The following DROSHA variants were observed in gnomAD, a reference collection of about 807,000 sequenced individuals.
DROSHA encodes ribonuclease 3.
DROSHA carries 56 observed loss-of-function variants against 181.9 expected under a neutral mutation model. That is an observed-to-expected ratio of 0.31 (90% CI 0.25 to 0.38). The LOEUF is 0.38. Ranked by LOEUF, DROSHA falls within the 10% of genes least tolerant of loss-of-function variation. The pLI, the probability that DROSHA is intolerant of heterozygous loss-of-function variation, is 1.00. For synonymous variants in DROSHA, 524 were observed against 591.2 expected, an observed-to-expected ratio of 0.89 and a Z score of 1.65; for missense variants, 1,218 against 1,743.5, an observed-to-expected ratio of 0.70 and a Z score of 5.37.
chr5:31,453,505 G>A (rs573436026), intron 20 of DROSHA, among the ~76,000 whole-genome samples: 3 of 152,218 alleles, frequency 2.0e-5, no homozygotes, highest in East Asian at 3.9e-4. Flanking sequence ...CGCCAGGCCC[G>A]AAAATTACTA....
Position 31,511,159 on chromosome 5 carries a change from A to T in DROSHA, c.1308T>A (p.Val436=). Residue 436 remains valine, a synonymous_variant, in exon 9 of 36, where the codon GTT becomes GTA. Coordinates refer to ENST00000344624, the MANE Select transcript of DROSHA (RefSeq NM_001382508.1). ...ATAAGTCACGAAGCCTACTCGTTCC[A>T]ACCACTGTAGAATCTCCCTTTTAAA... ...PMDQVGDSTV[V]GTSRLRDLYD... 6.2e-7 allele frequency: 1 copy of T among 1,613,860 alleles called. No homozygotes were observed. The highest frequency in any genetic ancestry group is 8.5e-7 in the Non-Finnish European group (1 of 1,179,798).
chr5:31,413,160 A>C (rs940375691), intron 30 of DROSHA, among the ~76,000 whole-genome samples: 3 of 152,162 alleles, frequency 2.0e-5, no homozygotes, highest in Non-Finnish European at 4.4e-5. Flanking sequence ...CTGACGGTGA[A>C]GGAGGAAAGC....
chr5:31,525,989 C>CTGGA lies in DROSHA; in HGVS notation c.854+86_854+89dup, dbSNP rs1167524544. 3.1e-6 allele frequency: 4 copies of CTGGA among 1,292,488 alleles called. No homozygotes were observed. The Admixed American group carries it at 7.4e-5, about 24-fold the overall frequency. The allele number at this position is 1,292,488 out of a possible 1,614,324, so 80.1% of individuals were successfully genotyped here. ...TCCTTACATAAATCAAGATGCCCTA[C>CTGGA]TGGATCCTTTTGGTTTGGTTGTCAT... On this transcript the variant is annotated intron_variant, in intron 5 of 35. Coordinates refer to ENST00000344624, the MANE Select transcript of DROSHA (RefSeq NM_001382508.1).
chr5:31,513,195 C>G (rs1332218842), intron 8 of DROSHA, among the ~76,000 whole-genome samples: 1 of 152,190 alleles, frequency 6.6e-6, no homozygotes, highest in Non-Finnish European at 1.5e-5. Context: ...AACATGCCCT[C>G]TGCATCCTGC....
At chr5:31,484,203 C>T (rs1267226355) in intron 15 of DROSHA, among the ~76,000 whole-genome samples, 2 of 151,794 alleles carry the variant, frequency 1.3e-5, no homozygotes. Flanking sequence ...AATCCCGTCT[C>T]TACTAAAAAT....
intron 20 of DROSHA, among the ~76,000 whole-genome samples, chr5:31,456,438 C>A (rs1232868976): frequency 6.8e-6 from 1 of 147,324 alleles, no homozygotes; most frequent in Middle Eastern, 3.2e-3. Flanking sequence ...CAGAGAGAAG[C>A]TATTTTTACT....
intron 20 of DROSHA, among the ~76,000 whole-genome samples, chr5:31,462,105 G>A (rs915704004): frequency 5.7e-4 from 86 of 151,970 alleles, no homozygotes; most frequent in African/African-American, 2.0e-3. Flanking sequence ...CTTCTCTTCC[G>A]CTTCTATGGA....
At position 31,401,374 on chromosome 5, in the gene DROSHA, A is replaced by G; in HGVS notation, c.*58T>C. ...CTGCAGGAAAACTAGGCTAGGTCTC[A>G]ATAGACAACAGTCACAGTTACTGAG... On this transcript the variant is annotated 3_prime_UTR_variant, in exon 36 of 36. Transcript: ENST00000344624. The G allele has an allele frequency of 3.8e-6, 6 of 1,595,086 alleles. No individual in the cohort carries two copies. Among genetic ancestry groups the G allele is most frequent in the Non-Finnish European group, 4.3e-6 (5 of 1,167,702 alleles).
In DROSHA at chr5:31,429,551, T is replaced by C; in HGVS notation, c.3146-6A>G. 6.2e-7 allele frequency: 1 copy of C among 1,609,836 alleles called. No individual in the cohort carries two copies. The highest frequency in any genetic ancestry group is 8.5e-7 in the Non-Finnish European group (1 of 1,177,820). ...TCCCTCCAAGTAAACAGCTCCTAGATGAAAAACAGAGAATGCCAAAAGAGA... is the reference window on the plus strand; with the variant it reads ...TCCCTCCAAGTAAACAGCTCCTAGACGAAAAACAGAGAATGCCAAAAGAGA... On this transcript the variant is annotated splice_polypyrimidine_tract_variant and splice_region_variant and intron_variant, in intron 26 of 35. Coordinates refer to ENST00000344624, the MANE Select transcript of DROSHA (RefSeq NM_001382508.1).
Position 31,526,286 on chromosome 5 carries a change from G to T in DROSHA, c.647C>A (p.Pro216His). ...HLPPYPLPKA[P>H]SERRSPERLK... Reference sequence around the variant, plus strand: ...CCTTTCTGGGGACCTTCTCTCACTGGGAGCCTTTGGGAGTGGGTATGGAGG... The same window carrying T: ...CCTTTCTGGGGACCTTCTCTCACTGTGAGCCTTTGGGAGTGGGTATGGAGG... The change falls in exon 5 of 36, where the codon CCC (proline) becomes CAC (histidine). Residue 216 changes from proline (P) to histidine (H), a missense_variant. Physicochemically the swap from Pro to His is moderately conservative, Grantham distance 77. Coordinates refer to ENST00000344624, the MANE Select transcript of DROSHA (RefSeq NM_001382508.1). 4 of 1,613,842 alleles carry T rather than the reference G, an allele frequency of 2.5e-6. No homozygotes were observed. Among genetic ancestry groups the T allele is most frequent in the Non-Finnish European group, 3.4e-6 (4 of 1,179,856 alleles).
intron 20 of DROSHA, among the ~76,000 whole-genome samples, chr5:31,462,833 TG>T (rs137994487): frequency 0.082 from 12,432 of 151,922 alleles, 847 homozygotes; most frequent in East Asian, 0.22. Flanking sequence ...GGGTTTTGTA[TG>T]AAAAAAAAAT....
rs374790486 is a variant in DROSHA at position 31,514,071 on chromosome 5, A to G, written c.1290+917T>C. Among the ~76,000 whole-genome samples the G allele has an allele frequency of 2.6e-5, 4 of 152,176 alleles. No individual in the cohort carries two copies. Among genetic ancestry groups the G allele is most frequent in the Admixed American group, 6.5e-5 (1 of 15,282 alleles). ...CGGCCCTGGCAGCATGTGCTCTAGG[A>G]GTCCTCCCTCCAGCCCATTAAGGGT... On this transcript the variant is annotated intron_variant, in intron 8 of 35. Coordinates refer to ENST00000344624, the MANE Select transcript of DROSHA (RefSeq NM_001382508.1). This position sits in a 1 kb window ranked among gnomAD's most constrained non-coding sequence, Gnocchi z 4.4.
At chr5:31,474,571 C>T (rs1332614420) in intron 16 of DROSHA, among the ~76,000 whole-genome samples, 1 of 152,014 alleles carries the variant, frequency 6.6e-6, no homozygotes, top group African/African-American at 2.4e-5. Flanking sequence ...ATTATGTTGC[C>T]CAGGCTGTTC....
chr5:31,496,633 A>G (rs1753013929), intron 11 of DROSHA, among the ~76,000 whole-genome samples: 2 of 152,162 alleles, frequency 1.3e-5, no homozygotes, highest in Admixed American at 6.5e-5. Context: ...CCAAGCCATA[A>G]ACAGCCACTG....
intron 33 of DROSHA, 181 bp from the exon 34 acceptor site, chr5:31,407,126 C>T (rs925131243): frequency 1.8e-5 from 7 of 396,284 alleles, no homozygotes; most frequent in African/African-American, 1.0e-4. Flanking sequence ...CGACAAATAT[C>T]GAGAGCATTT....
intron 4 of DROSHA, among the ~76,000 whole-genome samples, chr5:31,528,127 C>T (rs548153071): frequency 5.3e-5 from 8 of 152,212 alleles, no homozygotes; most frequent in Non-Finnish European, 7.4e-5. Context: ...GGCCTTTAAC[C>T]GTCTGGTATT....
At chr5:31,497,480 C>G (rs373243043) in intron 11 of DROSHA, among the ~76,000 whole-genome samples, 2 of 152,220 alleles carry the variant, frequency 1.3e-5, no homozygotes, top group South Asian at 2.1e-4. Flanking sequence ...GCCTGTCCCC[C>G]CTTACTATGG....
intron 21 of DROSHA, among the ~76,000 whole-genome samples, chr5:31,451,166 C>T (rs182280111): frequency 6.6e-6 from 1 of 152,136 alleles, no homozygotes; most frequent in Admixed American, 6.5e-5. Flanking sequence ...CACGCCATTG[C>T]ACTCCAGCCT....
chr5:31,523,394 T>C lies in DROSHA; in HGVS notation c.855-2179A>G, dbSNP rs1740130453. Among the ~76,000 whole-genome samples, 3 of 152,218 alleles carry C rather than the reference T, an allele frequency of 2.0e-5. No homozygotes were observed. The South Asian group carries it at 6.2e-4, about 32-fold the overall frequency. On this transcript the variant is annotated intron_variant, in intron 5 of 35. Coordinates refer to ENST00000344624, the MANE Select transcript of DROSHA (RefSeq NM_001382508.1). ...AAGTAATTCTTACGACACTTGATTT[T>C]ACTGAGATCCGCAATTCACAGGACA...
Sources: gnomAD v4.1 joint callset for allele counts (sites outside exome capture counted in the v4.1 genomes callset) on GRCh38, gnomAD v4.1.1 for gene constraint, Gnocchi (gnomAD v3.1) non-coding constraint, MANE v1.5 for transcripts, NCBI Gene and HGNC (gene_info 2026-07-23, HGNC 2026-07-21) for gene names.